CHRNA10: variants seen among roughly 807,000 people sequenced by gnomAD.
The protein encoded by CHRNA10 is cholinergic receptor nicotinic alpha 10 subunit, also known as neuronal acetylcholine receptor subunit alpha-10.
CHRNA10 carries 31 observed loss-of-function variants against 36.0 expected under a neutral mutation model. The ratio of observed to expected loss-of-function variants is 0.86; its 90% CI spans 0.65 to 1.16. The LOEUF is 1.16. Among genes scored for constraint, CHRNA10 ranks in the 50% most tolerant of loss-of-function variants. The pLI is 0.00. For missense variants in CHRNA10, 648 were observed against 640.9 expected, an observed-to-expected ratio of 1.01 and a Z score of -0.12; for synonymous variants, 302 against 287.0, an observed-to-expected ratio of 1.05 and a Z score of -0.53.
Position 3,666,072 on chromosome 11 carries a change from G to T in CHRNA10, c.*35C>A. The T allele has an allele frequency of 6.7e-7, 1 of 1,496,410 alleles. No individual in the cohort carries two copies. The highest frequency in any genetic ancestry group is 1.4e-5 in the South Asian group (1 of 73,244). The allele number at this position is 1,496,410 out of a possible 1,614,324, so 92.7% of individuals were successfully genotyped here. On this transcript the variant is annotated 3_prime_UTR_variant, in exon 5 of 5. Transcript: ENST00000250699. ...GGCTGTCCCTTTCTGGAGGAGCTGT[G>T]GCTGCAGCAGATCCCTGTGACTTAG... is the stretch of plus-strand genomic sequence containing the variant.
chr11:3,666,826 G>A (rs1190517561), intron 4 of CHRNA10, among the ~76,000 whole-genome samples: 8 of 152,128 alleles, frequency 5.3e-5, no homozygotes, highest in South Asian at 2.1e-4. Flanking sequence ...GGACAGTCCC[G>A]CTCTCAAATA....
rs947979872 is a variant in CHRNA10 at position 3,667,739 on chromosome 11, C to T, written c.388G>A (p.Ala130Thr). The change falls in exon 4 of 5, where the codon GCC becomes ACC. Residue 130 changes from alanine (A) to threonine (T), a missense_variant. Physicochemically the swap from Ala to Thr is moderately conservative, Grantham distance 58 (BLOSUM62 0). Coordinates refer to ENST00000250699, the MANE Select transcript of CHRNA10 (RefSeq NM_020402.4). The stretch of plus-strand genomic sequence containing the variant: ...TGGCGCAGGACCACGTTGGTGCTGG[C>T]GGAACCTGGAGGCTGCGCGTCGGCT... Reference protein sequence around the residue: ...NKADAQPPGSASTNVVLRHDG... With the variant: ...NKADAQPPGSTSTNVVLRHDG... 1.3e-6 allele frequency: 2 copies of T among 1,561,074 alleles called. No homozygotes were observed. Among genetic ancestry groups the T allele is most frequent in the Non-Finnish European group, 8.6e-7 (1 of 1,160,886 alleles).
rs1314271317 is a variant in CHRNA10 at position 3,666,008 on chromosome 11, G to A, written c.*99C>T. 2 of 1,021,038 alleles carry A rather than the reference G, an allele frequency of 2.0e-6. No individual in the cohort carries two copies. The highest frequency in any genetic ancestry group is 1.4e-6 in the Non-Finnish European group (1 of 714,378). The allele number at this position is 1,021,038 out of a possible 1,614,324, so 63.2% of individuals were successfully genotyped here. A position where few individuals can be genotyped will look rare whatever the true frequency, so the allele number is the denominator to read the frequency against. On this transcript the variant is annotated 3_prime_UTR_variant, in exon 5 of 5. Transcript: ENST00000250699. The stretch of plus-strand genomic sequence containing the variant: ...CTCAGGATCTTAGGAGCAGTGGGGA[G>A]AGACTGGCTGGCCCAAAGACCAGCA...
chr11:3,670,155 G>A (rs138138682), intron 1 of CHRNA10, among the ~76,000 whole-genome samples: 26 of 152,258 alleles, frequency 1.7e-4, no homozygotes, highest in African/African-American at 5.3e-4. Flanking sequence ...ATCTTCTGGC[G>A]CCAGGCTGAC....
chr11:3,671,264 G>C lies in CHRNA10; in HGVS notation c.49C>G (p.Leu17Val), dbSNP rs761466668. The change falls in exon 1 of 5, where the codon CTA (leucine) becomes GTA (valine). Residue 17 changes from leucine (L) to valine (V), a missense_variant. Coordinates refer to ENST00000250699, the MANE Select transcript of CHRNA10 (RefSeq NM_020402.4). ...CTGAGCTTCATACCTGCAGGGAGTA[G>C]AAACAGAAGCAGAAGGCCCAGGCTG... ...HLSLGLLLLF[L>V]LPAECLGAEG... is the part of the protein sequence containing the mutation. 6.2e-7 allele frequency: 1 copy of C among 1,614,164 alleles called. No individual in the cohort carries two copies. The highest frequency in any genetic ancestry group is 2.2e-5 in the East Asian group (1 of 44,884).
chr11:3,667,805 C>A, intron 3 of CHRNA10, 41 bp from the exon 4 acceptor site: 6 of 1,430,196 alleles, frequency 4.2e-6, no homozygotes, highest in Admixed American at 2.7e-5. Flanking sequence ...GCTGTCCAGC[C>A]TGAGGAGCAG....
intron 1 of CHRNA10, among the ~76,000 whole-genome samples, chr11:3,670,878 C>T (rs1048605795): frequency 2.0e-5 from 3 of 152,222 alleles, no homozygotes. Context: ...TCTTCTACCC[C>T]TCCCATGCCC....
At chr11:3,668,718 C>T (rs1190459070) in intron 3 of CHRNA10, 2 of 153,344 alleles carry the variant, frequency 1.3e-5, no homozygotes, top group South Asian at 2.1e-4. Flanking sequence ...GAGGTAGCTC[C>T]GGGACACACA....
At chr11:3,667,901 C>T in intron 3 of CHRNA10, 137 bp from the exon 4 acceptor site, 2 of 768,282 alleles carry the variant, frequency 2.6e-6, no homozygotes, top group Middle Eastern at 3.9e-4. Flanking sequence ...TCGTTAAGTT[C>T]GAGACACTCA....
chr11:3,670,793 T>C (rs1482214966), intron 1 of CHRNA10, among the ~76,000 whole-genome samples: 2 of 152,300 alleles, frequency 1.3e-5, no homozygotes, highest in Admixed American at 6.5e-5. Context: ...TTGCGAAACA[T>C]CGTCTTGAGT....
Position 3,667,531 on chromosome 11 carries a change from T to C in CHRNA10, c.596A>G (p.Asn199Ser). 6.3e-7 allele frequency: 1 copy of C among 1,586,486 alleles called. No individual in the cohort carries two copies. Residue 199 changes from asparagine (N) to serine (S), a missense_variant, in exon 4 of 5, where the codon AAC becomes AGC. Physicochemically the swap from Asn to Ser is conservative, Grantham distance 46 (BLOSUM62 1). Coordinates refer to ENST00000250699, the MANE Select transcript of CHRNA10 (RefSeq NM_020402.4). ...AAASLADFVENVEWRVLGMPA... is the reference protein window; with the variant it reads ...AAASLADFVESVEWRVLGMPA... Reference sequence around the variant, plus strand: ...CATGCCCAGCACGCGCCACTCCACGTTCTCCACGAAGTCCGCCAGGCTGGC... The same window carrying C: ...CATGCCCAGCACGCGCCACTCCACGCTCTCCACGAAGTCCGCCAGGCTGGC...
intron 2 of CHRNA10, 37 bp downstream of exon 2, chr11:3,669,759 G>A: frequency 1.2e-6 from 2 of 1,612,554 alleles, no homozygotes; most frequent in Non-Finnish European, 1.7e-6. Context: ...CACTGTGACA[G>A]GTAAGACTCC....
intron 3 of CHRNA10, 52 bp from the exon 4 acceptor site, chr11:3,667,816 C>T (rs2077679946): frequency 7.1e-7 from 1 of 1,405,194 alleles, no homozygotes; most frequent in African/African-American, 1.5e-5. Context: ...TGAGGAGCAG[C>T]CCCGGAGGCC....
In CHRNA10 at chr11:3,666,257, G is replaced by T; in HGVS notation, c.1203C>A (p.Thr401=). ...GGTGGCTGCGGAAGGTATTGGCAAT[G>T]GTGGCTACGTGGTGCAGTAGGGCTT... The part of the protein sequence containing the change: ...RQEALLHHVA[T]IANTFRSHRA... The change falls in exon 5 of 5, where the codon ACC becomes ACA. Residue 401 remains threonine (T), a synonymous_variant. Coordinates refer to ENST00000250699, the MANE Select transcript of CHRNA10 (RefSeq NM_020402.4). The T allele has an allele frequency of 1.2e-6, 2 of 1,614,110 alleles. No individual in the cohort carries two copies. The highest frequency in any genetic ancestry group is 2.2e-5 in the East Asian group (1 of 44,890).
chr11:3,669,597 A>T (rs1263977915), intron 2 of CHRNA10, 199 bp downstream of exon 2: 1 of 789,692 alleles, frequency 1.3e-6, no homozygotes, highest in African/African-American at 1.7e-5. Flanking sequence ...GTTCAGGTGA[A>T]CAAAATATTG....
At chr11:3,669,602 A>G in intron 2 of CHRNA10, 194 bp downstream of exon 2, 1 of 801,200 alleles carries the variant, frequency 1.2e-6, no homozygotes. Flanking sequence ...GGTGAACAAA[A>G]TATTGGGCAC....
chr11:3,671,168 G>C (rs1444411757), intron 1 of CHRNA10, 84 bp downstream of exon 1: 33 of 1,356,774 alleles, frequency 2.4e-5, no homozygotes, highest in Non-Finnish European at 1.6e-5. Context: ...AAACACAAGA[G>C]AGACTACATG....
At position 3,666,243 on chromosome 11, in the gene CHRNA10, A is replaced by G. The variant is rs1564788286; in HGVS notation, c.1217T>C (p.Phe406Ser). The G allele has an allele frequency of 6.2e-7, 1 of 1,613,976 alleles. No homozygotes were observed. The highest frequency in any genetic ancestry group is 1.3e-5 in the African/African-American group (1 of 75,024). Residue 406 changes from phenylalanine (F) to serine (S), a missense_variant, in exon 5 of 5, where the codon TTC (phenylalanine) becomes TCC (serine). Phe to Ser is a radical substitution (Grantham distance 155). Coordinates refer to ENST00000250699, the MANE Select transcript of CHRNA10 (RefSeq NM_020402.4). ...LHHVATIANTFRSHRAAQRCH... is the reference protein window; with the variant it reads ...LHHVATIANTSRSHRAAQRCH... The stretch of plus-strand genomic sequence containing the variant: ...GCGCTGGGCAGCTCGGTGGCTGCGG[A>G]AGGTATTGGCAATGGTGGCTACGTG...
At chr11:3,671,199 A>G in intron 1 of CHRNA10, 53 bp downstream of exon 1, 1 of 1,557,460 alleles carries the variant, frequency 6.4e-7, no homozygotes, top group Non-Finnish European at 8.9e-7. Flanking sequence ...TTGGGAGAAC[A>G]GGAATAGTAG....
Sources: gnomAD v4.1 joint callset for allele counts (sites outside exome capture counted in the v4.1 genomes callset) on GRCh38, gnomAD v4.1.1 for gene constraint, MANE v1.5 for transcripts, NCBI Gene and HGNC (gene_info 2026-07-23, HGNC 2026-07-21) for gene names.